Variants in PPP1R2 observed in about 807,000 individuals in gnomAD.
PPP1R2 encodes protein phosphatase 1 regulatory inhibitor subunit 2, also known as protein phosphatase inhibitor 2.
PPP1R2 carries 16 observed loss-of-function variants against 29.9 expected under a neutral mutation model. The ratio of observed to expected loss-of-function variants is 0.53; its 90% CI spans 0.36 to 0.81. PPP1R2 has a LOEUF of 0.81. Among genes scored for constraint, PPP1R2 ranks in the 30% least tolerant of loss-of-function variants. The pLI is 0.00. For missense variants in PPP1R2, 197 were observed against 252.7 expected (o/e 0.78, Z 1.49); for synonymous variants, 76 against 91.5 (o/e 0.83, Z 0.96).
At chr3:195,541,122 G>C (rs1026264603) in intron 1 of PPP1R2, among the ~76,000 whole-genome samples, 1 of 152,212 alleles carries the variant, frequency 6.6e-6, no homozygotes, top group Non-Finnish European at 1.5e-5. Flanking sequence ...AGAAGAGGCA[G>C]CCCTATGCAG....
chr3:195,532,189 C>T (rs1018335095), intron 1 of PPP1R2, among the ~76,000 whole-genome samples: 7 of 149,456 alleles, frequency 4.7e-5, no homozygotes, highest in African/African-American at 1.7e-4. Context: ...CACCACCATG[C>T]CCAGCTAATT....
intron 1 of PPP1R2, among the ~76,000 whole-genome samples, chr3:195,532,072 C>T (rs1719200204): frequency 6.6e-6 from 1 of 152,062 alleles, no homozygotes; most frequent in African/African-American, 2.4e-5. Context: ...CTCTGTCACC[C>T]CAGGCTAGAG....
intron 1 of PPP1R2, among the ~76,000 whole-genome samples, chr3:195,538,723 G>T (rs909092489): frequency 6.6e-6 from 1 of 152,088 alleles, no homozygotes; most frequent in African/African-American, 2.4e-5. Flanking sequence ...CTCCAAAGCA[G>T]ACTGTGTAAA....
chr3:195,523,827 T>C, intron 3 of PPP1R2, 41 bp from the exon 4 acceptor site: 3 of 1,522,012 alleles, frequency 2.0e-6, no homozygotes, highest in Non-Finnish European at 2.7e-6. Flanking sequence ...CAGTGATGTT[T>C]TGATATTATT....
intron 4 of PPP1R2, among the ~76,000 whole-genome samples, chr3:195,519,972 T>C (rs1405732248): frequency 6.6e-6 from 1 of 151,980 alleles, no homozygotes; most frequent in Non-Finnish European, 1.5e-5. Context: ...TGCCAGCTAT[T>C]TTACCAATGA....
chr3:195,529,673 C>T, intron 2 of PPP1R2, 121 bp downstream of exon 2: 1 of 653,948 alleles, frequency 1.5e-6, no homozygotes, highest in Non-Finnish European at 2.5e-6. Flanking sequence ...TTACTGACTT[C>T]ACTAGTGCTC....
At chr3:195,540,513 C>G (rs767051873) in intron 1 of PPP1R2, among the ~76,000 whole-genome samples, 1 of 152,162 alleles carries the variant, frequency 6.6e-6, no homozygotes, top group Admixed American at 6.5e-5. Flanking sequence ...ATGGTTTGAA[C>G]GTTTGTCCTC....
intron 1 of PPP1R2, among the ~76,000 whole-genome samples, chr3:195,541,062 C>G (rs1165398001): frequency 6.6e-6 from 1 of 152,216 alleles, no homozygotes; most frequent in Admixed American, 6.5e-5. Flanking sequence ...GTAACTCTAA[C>G]TCGACAGGTC....
intron 2 of PPP1R2, 52 bp downstream of exon 2, chr3:195,529,742 A>T: frequency 1.5e-6 from 2 of 1,308,748 alleles, no homozygotes; most frequent in Non-Finnish European, 2.1e-6. Context: ...CGTTCATATG[A>T]AATGCAAAAT....
chr3:195,520,660 G>A (rs1352701426), intron 4 of PPP1R2, among the ~76,000 whole-genome samples: 1 of 152,042 alleles, frequency 6.6e-6, no homozygotes, highest in African/African-American at 2.4e-5. Context: ...CTCTCAATAA[G>A]GGTATTTACA....
rs1045359832 is a variant in PPP1R2, at chr3:195,515,498, T to C, written c.*1398A>G. On this transcript the variant is annotated 3_prime_UTR_variant, in exon 6 of 6. Coordinates refer to ENST00000618156, the MANE Select transcript of PPP1R2 (RefSeq NM_006241.8). Reference sequence around the variant, plus strand: ...GGTACTAACAAAAGTTGTACACAATTCATCAATTGTATGGCTAGAAATGAA... The same window carrying C: ...GGTACTAACAAAAGTTGTACACAATCCATCAATTGTATGGCTAGAAATGAA... 1.3e-5 allele frequency: 2 copies of C among 152,624 alleles called. No individual in the cohort carries two copies. The highest frequency in any genetic ancestry group is 4.8e-5 in the African/African-American group (2 of 41,452). 9.5% of individuals were successfully genotyped at this position (152,624 alleles called of 1,614,324 possible). A position where few individuals can be genotyped will look rare whatever the true frequency, so the allele number is the denominator to read the frequency against.
chr3:195,527,114 G>C (rs571769282), intron 2 of PPP1R2, among the ~76,000 whole-genome samples: 1 of 151,912 alleles, frequency 6.6e-6, no homozygotes, highest in South Asian at 2.1e-4. Flanking sequence ...GTGGAGATAA[G>C]AGTCTCACTC....
chr3:195,543,153 T>G lies in PPP1R2; in HGVS notation c.-128A>C. 1.6e-6 allele frequency: 2 copies of G among 1,269,326 alleles called. No individual in the cohort carries two copies. The highest frequency in any genetic ancestry group is 2.1e-6 in the Non-Finnish European group (2 of 955,190). 78.6% of individuals were successfully genotyped at this position (1,269,326 alleles called of 1,614,324 possible). On this transcript the variant is annotated 5_prime_UTR_variant, in exon 1 of 6. Transcript: ENST00000618156. The stretch of plus-strand genomic sequence containing the variant: ...TCAGGGCTAAAGCGGCCGCAACTGC[T>G]GCCTCGGAAACGGCTACCGCAGCGG...
rs1356813977 is a variant in PPP1R2, at chr3:195,542,929, G to C, written c.97C>G (p.Arg33Gly). ...SSMVASAEQP[R>G]GNVDEELSKK... ...CTCAGCTCCTCGTCGACATTCCCGC[G>C]GGGCTGTTCGGCCGACGCCACCATA... Residue 33 changes from arginine (R) to glycine (G), a missense_variant, in exon 1 of 6, where the codon CGC (arginine) becomes GGC (glycine). Transcript: ENST00000618156. 3.1e-6 allele frequency: 5 copies of C among 1,602,672 alleles called. No homozygotes were observed. The Admixed American group carries it at 6.8e-5, about 22-fold the overall frequency.
In PPP1R2 at chr3:195,524,894, A is replaced by G. The variant is rs1718907374; in HGVS notation, c.233T>C (p.Met78Thr). The part of the protein sequence containing the change: ...IDEPSTPYHS[M>T]MGDDEDACSD... ...ACAGGCATCTTCATCATCCCCCATC[A>G]TACTAGTATGACAAGCACATTGTAA... The change falls in exon 3 of 6, where the codon ATG (methionine) becomes ACG (threonine). Residue 78 changes from methionine to threonine, a missense_variant and splice_region_variant. Met to Thr is a moderately conservative substitution (Grantham distance 81). Around this residue, in one of 3 missense-constraint regions of PPP1R2, gnomAD observed 135 missense variants for 163.0 expected, o/e 0.83. Transcript: ENST00000618156. 6.2e-7 allele frequency: 1 copy of G among 1,613,954 alleles called. No individual in the cohort carries two copies. Among genetic ancestry groups the G allele is most frequent in the African/African-American group, 1.3e-5 (1 of 75,026 alleles).
At chr3:195,541,455 C>CTTTTTTTTTTTTT (rs553981950) in intron 1 of PPP1R2, among the ~76,000 whole-genome samples, 1 of 99,316 alleles carries the variant, frequency 1.0e-5, no homozygotes, top group African/African-American at 3.9e-5. Context: ...CTTTTCTTTC[C>CTTTTTTTTTTTTT]TTTTTTTTTT....
At chr3:195,530,727 T>C (rs1719147486) in intron 1 of PPP1R2, among the ~76,000 whole-genome samples, 1 of 152,184 alleles carries the variant, frequency 6.6e-6, no homozygotes, top group South Asian at 2.1e-4. Context: ...GGTTTCACCA[T>C]GTTGGCCAGG....
intron 4 of PPP1R2, chr3:195,523,288 T>C (rs76080354): frequency 0.062 from 12,384 of 199,902 alleles, 876 homozygotes; most frequent in East Asian, 0.38. Context: ...TCTTGGTTCA[T>C]TTGTTAAGTT....
At chr3:195,518,762 T>C (rs1298440906) in intron 5 of PPP1R2, among the ~76,000 whole-genome samples, 1 of 152,054 alleles carries the variant, frequency 6.6e-6, no homozygotes, top group Non-Finnish European at 1.5e-5. Context: ...AAGACAAACA[T>C]CCTTGCCTAA....
Sources: allele counts gnomAD v4.1 joint callset (sites outside exome capture counted in the v4.1 genomes callset), GRCh38; gene constraint gnomAD v4.1.1; regional missense constraint gnomAD v4.1.1; transcripts MANE v1.5; gene names NCBI Gene and HGNC (gene_info 2026-07-23, HGNC 2026-07-21).